ARFGAP1: variants seen among roughly 807,000 people sequenced by gnomAD.
ARFGAP1 encodes the protein ADP-ribosylation factor GTPase-activating protein 1.
Under a neutral mutation model 54.0 loss-of-function variants are expected in ARFGAP1, and 26 were observed. That is an observed-to-expected ratio of 0.48 (90% CI 0.35 to 0.67). The LOEUF (loss-of-function observed/expected upper bound fraction) is 0.67. Among genes scored for constraint, ARFGAP1 ranks in the 30% least tolerant of loss-of-function variants. ARFGAP1 has a pLI of 0.00. For missense variants in ARFGAP1, 525 were observed against 535.8 expected, an observed-to-expected ratio of 0.98 and a Z score of 0.20; for synonymous variants, 248 against 211.9, an observed-to-expected ratio of 1.17 and a Z score of -1.48.
At position 63,282,907 on chromosome 20, in the gene ARFGAP1, C is replaced by T. The variant is rs1366164487; in HGVS notation, c.717+56C>T. On this transcript the variant is annotated intron_variant, in intron 9 of 12. Transcript: ENST00000370283. The stretch of plus-strand genomic sequence containing the variant: ...GCATCTGAAACTATCCTGAGTCTGA[C>T]GTCACGTGCAGCACCTGAAGCTGCC... The T allele has an allele frequency of 8.2e-6, 13 of 1,593,336 alleles. No individual in the cohort carries two copies. The East Asian group carries it at 1.8e-4, about 22-fold the overall frequency.
In ARFGAP1 at chr20:63,281,367, A is replaced by C; in HGVS notation, c.684+20A>C. ...GAGGGCGTAAGTCACTGCCCCTGCC[A>C]TGCCACCGTCCCCACCAGGCCCTCG... On this transcript the variant is annotated intron_variant, in intron 8 of 12. Coordinates refer to ENST00000370283, the MANE Select transcript of ARFGAP1 (RefSeq NM_018209.4). 1.3e-6 allele frequency: 2 copies of C among 1,584,168 alleles called. No homozygotes were observed. The highest frequency in any genetic ancestry group is 1.7e-6 in the Non-Finnish European group (2 of 1,170,798).
chr20:63,283,698 G>A (rs1224899501), intron 9 of ARFGAP1, among the ~76,000 whole-genome samples: 2 of 152,204 alleles, frequency 1.3e-5, no homozygotes, highest in Admixed American at 6.5e-5. Flanking sequence ...TTCCAGGGCA[G>A]GGAGCGGCTG....
chr20:63,284,597 C>A (rs548933479), intron 9 of ARFGAP1: 1 of 1,325,986 alleles, frequency 7.5e-7, no homozygotes, highest in South Asian at 1.5e-5. Flanking sequence ...CCGGCAGGGC[C>A]GCATGGTGGC....
chr20:63,288,740 G>T lies in ARFGAP1; in HGVS notation c.*867G>T. 1 of 350,562 alleles carries T rather than the reference G, an allele frequency of 2.9e-6. No homozygotes were observed. Among genetic ancestry groups the T allele is most frequent in the Non-Finnish European group, 5.7e-6 (1 of 176,012 alleles). The allele number at this position is 350,562 out of a possible 1,614,324, so 21.7% of individuals were successfully genotyped here. A position where few individuals can be genotyped will look rare whatever the true frequency, so the allele number is the denominator to read the frequency against. On this transcript the variant is annotated 3_prime_UTR_variant, in exon 13 of 13. Transcript: ENST00000370283. ...CTAGGGAAGCTCCAGCCCCAGGATGGGGCTGCCCTGCACACCGGTGCCCGC... is the reference window on the plus strand; with the variant it reads ...CTAGGGAAGCTCCAGCCCCAGGATGTGGCTGCCCTGCACACCGGTGCCCGC...
At chr20:63,287,085 G>A (rs936339351) in intron 12 of ARFGAP1, among the ~76,000 whole-genome samples, 2 of 152,252 alleles carry the variant, frequency 1.3e-5, no homozygotes, top group African/African-American at 2.4e-5. Context: ...CACTAGGTGG[G>A]CCCAAATTTT....
chr20:63,280,537 C>G (rs929979026), intron 7 of ARFGAP1, among the ~76,000 whole-genome samples: 1 of 152,260 alleles, frequency 6.6e-6, no homozygotes, highest in African/African-American at 2.4e-5. Flanking sequence ...AAGCGGATGT[C>G]TTCATCTGCA....
Position 63,288,049 on chromosome 20 carries a change from CTT to C in ARFGAP1, c.*177_*178del. 1 of 755,144 alleles carries C rather than the reference CTT, an allele frequency of 1.3e-6. No homozygotes were observed. Among genetic ancestry groups the C allele is most frequent in the Non-Finnish European group, 2.1e-6 (1 of 478,060 alleles). The allele number at this position is 755,144 out of a possible 1,614,324, so 46.8% of individuals were successfully genotyped here. A position where few individuals can be genotyped will look rare whatever the true frequency, so the allele number is the denominator to read the frequency against. On this transcript the variant is annotated 3_prime_UTR_variant, in exon 13 of 13. Transcript: ENST00000370283. ...TGTGCGCCGCCTGCGCGTGGGGAGT[CTT>C]CGGTGCGTGGGGGCGGCTTGCTGTC... is the stretch of plus-strand genomic sequence containing the variant.
At position 63,285,797 on chromosome 20, in the gene ARFGAP1, C is replaced by T. The variant is rs373892319; in HGVS notation, c.834+84C>T. 680 of 1,560,714 alleles carry T rather than the reference C, an allele frequency of 4.4e-4. 3 individuals are homozygous for T. The Middle Eastern group carries it at 0.011, about 26-fold the overall frequency. On this transcript the variant is annotated intron_variant, in intron 11 of 12. Coordinates refer to ENST00000370283, the MANE Select transcript of ARFGAP1 (RefSeq NM_018209.4). ...CTGGGCGTGAGAGCAGGGTGTGCCC[C>T]GTGCAGCCCTCAGCCCAGCTTGGCA...
chr20:63,273,144 C>A (rs1253756419), intron 1 of ARFGAP1: 1 of 152,034 alleles, frequency 6.6e-6, no homozygotes, highest in African/African-American at 2.4e-5. Flanking sequence ...CCGCTGCAGC[C>A]GCCCCTCCGC....
chr20:63,284,185 G>A (rs2067461821), intron 9 of ARFGAP1: 1 of 1,301,112 alleles, frequency 7.7e-7, no homozygotes. Flanking sequence ...GTGCTGGAGG[G>A]AGGGCGGGGG....
intron 1 of ARFGAP1, chr20:63,273,610 C>A (rs901681789): frequency 2.0e-5 from 3 of 152,200 alleles, no homozygotes; most frequent in African/African-American, 7.2e-5. Flanking sequence ...CCTCTTAAAT[C>A]CAAGCCAAGT....
chr20:63,284,583 C>A, intron 9 of ARFGAP1: 1 of 1,300,528 alleles, frequency 7.7e-7, no homozygotes, highest in African/African-American at 1.5e-5. Flanking sequence ...CCCACCAGCC[C>A]GGCCCGGCAG....
rs1272063859 is a variant in ARFGAP1, at chr20:63,289,703, G to C, written c.*1830G>C. 1.3e-5 allele frequency: 2 copies of C among 152,316 alleles called. No homozygotes were observed. Among genetic ancestry groups the C allele is most frequent in the African/African-American group, 4.8e-5 (2 of 41,432 alleles). 9.4% of individuals were successfully genotyped at this position (152,316 alleles called of 1,614,324 possible). A position where few individuals can be genotyped will look rare whatever the true frequency, so the allele number is the denominator to read the frequency against. On this transcript the variant is annotated 3_prime_UTR_variant, in exon 13 of 13. Transcript: ENST00000370283. ...GTGCGGGCAGGTGGGCCTGGGACCG[G>C]TGCTGGGGCCTCTCCTTGCTGTGTG...
rs537535005 is a variant in ARFGAP1, at chr20:63,284,234, C to G, written c.718-632C>G. 1.6e-3 allele frequency: 1,920 copies of G among 1,211,550 alleles called. 3 individuals are homozygous for G. Among genetic ancestry groups the G allele is most frequent in the Non-Finnish European group, 1.9e-3 (1,851 of 970,512 alleles). 75.0% of individuals were successfully genotyped at this position (1,211,550 alleles called of 1,614,324 possible). On this transcript the variant is annotated intron_variant, in intron 9 of 12. Coordinates refer to ENST00000370283, the MANE Select transcript of ARFGAP1 (RefSeq NM_018209.4). ...GCTGCTGAGCAGGGTTTCCTGGCCACCTGCGCTCCCTTGAACGCAGTGCAA... is the reference window on the plus strand; with the variant it reads ...GCTGCTGAGCAGGGTTTCCTGGCCAGCTGCGCTCCCTTGAACGCAGTGCAA...
chr20:63,288,093 C>T lies in ARFGAP1; in HGVS notation c.*220C>T, dbSNP rs1186371111. On this transcript the variant is annotated 3_prime_UTR_variant, in exon 13 of 13. Coordinates refer to ENST00000370283, the MANE Select transcript of ARFGAP1 (RefSeq NM_018209.4). ...CTTGCTGTCCAGCCTGTGTGGGGGC[C>T]GTCCCGTCCCACACTCCCCTGGGCA... is the stretch of plus-strand genomic sequence containing the variant. 11 of 617,806 alleles carry T rather than the reference C, an allele frequency of 1.8e-5. No individual in the cohort carries two copies. The highest frequency in any genetic ancestry group is 2.8e-5 in the Non-Finnish European group (10 of 352,582). 38.3% of individuals were successfully genotyped at this position (617,806 alleles called of 1,614,324 possible).
At chr20:63,282,880 G>A in intron 9 of ARFGAP1, 29 bp downstream of exon 9, 1 of 1,613,674 alleles carries the variant, frequency 6.2e-7, no homozygotes, top group Non-Finnish European at 8.5e-7. Context: ...CTGCACCCTG[G>A]TGCATCTGAA....
At position 63,276,364 on chromosome 20, in the gene ARFGAP1, A is replaced by T; in HGVS notation, c.171-116A>T. ...TGGCACAGAGTTCCAGCTGCTGGCCACTCAGCCTCCCTGCGGCTGCTGCTT... is the reference window on the plus strand; with the variant it reads ...TGGCACAGAGTTCCAGCTGCTGGCCTCTCAGCCTCCCTGCGGCTGCTGCTT... On this transcript the variant is annotated intron_variant, in intron 3 of 12. Coordinates refer to ENST00000370283, the MANE Select transcript of ARFGAP1 (RefSeq NM_018209.4). The surrounding 1 kb of genome is among the most constrained non-coding windows in gnomAD (Gnocchi z 5.2). 1 of 1,429,198 alleles carries T rather than the reference A, an allele frequency of 7.0e-7. No individual in the cohort carries two copies. The highest frequency in any genetic ancestry group is 9.6e-7 in the Non-Finnish European group (1 of 1,039,848). 88.5% of individuals were successfully genotyped at this position (1,429,198 alleles called of 1,614,324 possible).
chr20:63,287,320 T>C (rs1246600287), intron 12 of ARFGAP1, among the ~76,000 whole-genome samples: 1 of 152,226 alleles, frequency 6.6e-6, no homozygotes, highest in Non-Finnish European at 1.5e-5. Context: ...AAGGAAGTTT[T>C]CTGTAAAACT....
chr20:63,279,045 AG>A, intron 7 of ARFGAP1, 50 bp downstream of exon 7: 2 of 1,583,202 alleles, frequency 1.3e-6, no homozygotes, highest in Non-Finnish European at 1.7e-6. Flanking sequence ...CCCCGCCCTG[AG>A]GGCACGACGG....
Sources: allele counts gnomAD v4.1 joint callset (sites outside exome capture counted in the v4.1 genomes callset), GRCh38; gene constraint gnomAD v4.1.1; non-coding constraint Gnocchi (gnomAD v3.1); transcripts MANE v1.5; gene names NCBI Gene and HGNC (gene_info 2026-07-23, HGNC 2026-07-21).